The following GALNT17 variants were observed in gnomAD, a reference collection of about 807,000 sequenced individuals.
GALNT17 encodes UDP-GalNAc:polypeptide N-acetylgalactosaminyltransferase-like 3.
Under a neutral mutation model 63.7 loss-of-function variants are expected in GALNT17, and 29 were observed. The observed-to-expected ratio is 0.46, with a 90% CI of 0.34 to 0.62. GALNT17 has a LOEUF of 0.62. GALNT17 is among the 20% of genes least tolerant of loss of function. The probability of loss-of-function intolerance (pLI) is 0.01; values close to 1 mark genes in which losing one functional copy is unlikely to be tolerated. For synonymous variants in GALNT17, 305 were observed against 318.3 expected (o/e 0.96, Z 0.45); for missense variants, 603 against 799.6 (o/e 0.75, Z 2.97).
At chr7:71,466,417 C>T (rs1184408186) in intron 5 of GALNT17, among the ~76,000 whole-genome samples, 1 of 152,196 alleles carries the variant, frequency 6.6e-6, no homozygotes. Flanking sequence ...TCCAACTTCA[C>T]TCTGGTATAG....
At chr7:71,469,963 CTT>C (rs2116610001) in intron 5 of GALNT17, among the ~76,000 whole-genome samples, 1 of 152,342 alleles carries the variant, frequency 6.6e-6, no homozygotes, top group African/African-American at 2.4e-5. Flanking sequence ...AATCCCAACA[CTT>C]TGGGAGGCTG....
At chr7:71,377,117 ATATATAT>A (rs1792755828) in intron 2 of GALNT17, among the ~76,000 whole-genome samples, 1 of 80,144 alleles carries the variant, frequency 1.2e-5, no homozygotes, top group Non-Finnish European at 2.6e-5. Context: ...TAAAAAAAAT[ATATATAT>A]ATATATATAT....
chr7:71,685,394 T>G (rs140496772), intron 9 of GALNT17: 68 of 152,324 alleles, frequency 4.5e-4, no homozygotes, highest in African/African-American at 1.6e-3. Context: ...TGTAACCGCC[T>G]CTTCCAAAGT....
intron 6 of GALNT17, among the ~76,000 whole-genome samples, chr7:71,579,712 A>AG (rs372613743): frequency 1.7e-4 from 26 of 152,328 alleles, no homozygotes; most frequent in African/African-American, 6.3e-4. Flanking sequence ...GAGCAGAGAA[A>AG]GGGGGAAGAA....
rs542791386 is a variant in GALNT17, at chr7:71,211,326, G to A, written c.238+78286G>A. 1.6e-4 allele frequency among the ~76,000 whole-genome samples: 24 copies of A among 152,190 alleles called. No homozygotes were observed. In the East Asian group the frequency reaches 3.1e-3, roughly 20 times the overall value. The stretch of plus-strand genomic sequence containing the variant: ...GGGTTTCCGCTTTTGCTTCTTCATC[G>A]TTTTTCTCTTGCTGCTGCCATGTAA... On this transcript the variant is annotated intron_variant, in intron 1 of 10. Transcript: ENST00000333538.
chr7:71,629,519 G>C (rs540895442), intron 6 of GALNT17, among the ~76,000 whole-genome samples: 4 of 152,140 alleles, frequency 2.6e-5, no homozygotes, highest in African/African-American at 9.6e-5. Context: ...ACAGGGTCTC[G>C]CTTTGTCACC....
chr7:71,670,880 C>CTGTG (rs142043206), intron 8 of GALNT17, among the ~76,000 whole-genome samples: 12,991 of 84,496 alleles, frequency 0.15, 1,361 homozygotes, highest in African/African-American at 0.26. Context: ...GGCCTCCGGA[C>CTGTG]TGTGTGTGTG....
At chr7:71,458,252 T>G (rs186378240) in intron 5 of GALNT17, among the ~76,000 whole-genome samples, 1 of 152,296 alleles carries the variant, frequency 6.6e-6, no homozygotes, top group East Asian at 1.9e-4. Context: ...GCTTTTTCAT[T>G]GCATTAACAA....
At chr7:71,147,169 C>T (rs1262282306) in intron 1 of GALNT17, among the ~76,000 whole-genome samples, 2 of 152,146 alleles carry the variant, frequency 1.3e-5, no homozygotes, top group African/African-American at 4.8e-5. Flanking sequence ...CTCTTTCCCT[C>T]ATTGTATTTA....
chr7:71,353,514 T>C (rs1416209326), intron 2 of GALNT17, among the ~76,000 whole-genome samples: 1 of 152,248 alleles, frequency 6.6e-6, no homozygotes, highest in Non-Finnish European at 1.5e-5. Context: ...AGTCTTTGTC[T>C]TTCATGACAT....
At chr7:71,519,814 T>C (rs1488230281) in intron 5 of GALNT17, among the ~76,000 whole-genome samples, 5 of 152,186 alleles carry the variant, frequency 3.3e-5, no homozygotes, top group Non-Finnish European at 7.3e-5. Context: ...CAGTCAGTAT[T>C]GCACCTAGAA....
intron 6 of GALNT17, among the ~76,000 whole-genome samples, chr7:71,616,694 AAT>A (rs1161844343): frequency 5.7e-5 from 3 of 52,692 alleles, no homozygotes; most frequent in African/African-American, 1.4e-4. Context: ...TATAATATAT[AAT>A]ATATTGTGAT....
In GALNT17 at chr7:71,603,054, A is replaced by G. The variant is rs999517857; in HGVS notation, c.1080+31652A>G. ...ATACCAGTTACTATGCTAAGTGCAT[A>G]CACTGGATACTATGCTAAGTGCATA... On this transcript the variant is annotated intron_variant, in intron 6 of 10. Coordinates refer to ENST00000333538, the MANE Select transcript of GALNT17 (RefSeq NM_022479.3). Among the ~76,000 whole-genome samples the G allele has an allele frequency of 2.0e-5, 3 of 152,152 alleles. No homozygotes were observed. The East Asian group carries it at 5.8e-4, about 29-fold the overall frequency.
Position 71,677,418 on chromosome 7 carries a change from T to G in GALNT17, c.1500+112T>G, listed in dbSNP as rs979141458. ...TGCTGTCTACCTTGGTAGTTATTTA[T>G]TCTGAGAAAAATTTTTAAGAAGAAG... On this transcript the variant is annotated intron_variant, in intron 9 of 10. Coordinates refer to ENST00000333538, the MANE Select transcript of GALNT17 (RefSeq NM_022479.3). 3.7e-6 allele frequency: 4 copies of G among 1,073,658 alleles called. No homozygotes were observed. In the African/African-American group the frequency reaches 6.4e-5, roughly 17 times the overall value. The allele number at this position is 1,073,658 out of a possible 1,614,324, so 66.5% of individuals were successfully genotyped here.
At chr7:71,531,217 C>T (rs760558456) in intron 5 of GALNT17, among the ~76,000 whole-genome samples, 8 of 152,158 alleles carry the variant, frequency 5.3e-5, no homozygotes, top group Admixed American at 2.0e-4. Context: ...AAACCTATCA[C>T]CTCCATTATG....
At chr7:71,331,248 A>C (rs1791802159) in intron 1 of GALNT17, among the ~76,000 whole-genome samples, 1 of 151,560 alleles carries the variant, frequency 6.6e-6, no homozygotes, top group Non-Finnish European at 1.5e-5. Flanking sequence ...GTATCTCTTA[A>C]ACAACCCTCA....
chr7:71,708,102 A>C (rs1052061056), intron 9 of GALNT17, among the ~76,000 whole-genome samples: 1 of 152,154 alleles, frequency 6.6e-6, no homozygotes, highest in African/African-American at 2.4e-5. Context: ...ATTATTATAA[A>C]TTCTGTTGCA....
At chr7:71,237,443 GC>G (rs1489751603) in intron 1 of GALNT17, among the ~76,000 whole-genome samples, 3 of 150,150 alleles carry the variant, frequency 2.0e-5, no homozygotes, top group Admixed American at 2.0e-4. Flanking sequence ...GCTTTGGGAG[GC>G]CAAGGCAGAT....
At chr7:71,663,484 C>T (rs1790938399) in intron 6 of GALNT17, among the ~76,000 whole-genome samples, 1 of 152,148 alleles carries the variant, frequency 6.6e-6, no homozygotes, top group Non-Finnish European at 1.5e-5. Context: ...AACATTTGGC[C>T]TCCTTGACTT....
Sources: allele counts gnomAD v4.1 joint callset (sites outside exome capture counted in the v4.1 genomes callset), GRCh38; gene constraint gnomAD v4.1.1; transcripts MANE v1.5; gene names NCBI Gene and HGNC (gene_info 2026-07-23, HGNC 2026-07-21).